Variants in TSHZ2 observed in about 807,000 individuals in gnomAD.
The protein encoded by TSHZ2 is teashirt zinc finger homeobox 2.
TSHZ2 carries 21 observed loss-of-function variants against 74.4 expected under a neutral mutation model. That is an observed-to-expected ratio of 0.28 (90% CI 0.20 to 0.41). TSHZ2 has a LOEUF of 0.41. Among genes scored for constraint, TSHZ2 ranks in the 10% least tolerant of loss-of-function variants. TSHZ2 has a pLI of 1.00. For missense variants in TSHZ2, 1,244 were observed against 1,293.5 expected (o/e 0.96, Z 0.59); for synonymous variants, 540 against 515.3 (o/e 1.05, Z -0.65).
chr20:53,381,986 A>C (rs1388423542), intron 2 of TSHZ2, among the ~76,000 whole-genome samples: 1 of 152,208 alleles, frequency 6.6e-6, no homozygotes, highest in African/African-American at 2.4e-5. Flanking sequence ...TGGCTGTTGC[A>C]AAAAGCTATT....
chr20:53,123,922 C>A (rs1355700867), intron 1 of TSHZ2, among the ~76,000 whole-genome samples: 1 of 152,154 alleles, frequency 6.6e-6, no homozygotes, highest in African/African-American at 2.4e-5. Flanking sequence ...AACAATTCTC[C>A]GTGTTAATGC....
intron 1 of TSHZ2, among the ~76,000 whole-genome samples, chr20:53,253,010 A>C (rs1990364013): frequency 6.6e-6 from 1 of 152,186 alleles, no homozygotes; most frequent in African/African-American, 2.4e-5. Flanking sequence ...ACTTCTGAGC[A>C]CTCAAAAATG....
intron 1 of TSHZ2, among the ~76,000 whole-genome samples, chr20:53,211,674 G>T (rs370092910): frequency 2.0e-5 from 3 of 152,118 alleles, no homozygotes; most frequent in Non-Finnish European, 4.4e-5. Flanking sequence ...CAATTATGCC[G>T]CTGCATTCCG....
intron 2 of TSHZ2, among the ~76,000 whole-genome samples, chr20:53,405,119 C>T (rs373556494): frequency 1.4e-5 from 2 of 141,926 alleles, no homozygotes; most frequent in African/African-American, 2.5e-5. Context: ...TGTGGTTGCG[C>T]GTACCTATAG....
intron 2 of TSHZ2, among the ~76,000 whole-genome samples, chr20:53,268,055 C>G (rs6063922): frequency 0.71 from 107,191 of 152,004 alleles, 38,189 homozygotes; most frequent in African/African-American, 0.82. Context: ...GTGTGCAAGA[C>G]AGTTGGCTTG....
At chr20:53,461,072 G>C (rs1341310995) in intron 2 of TSHZ2, among the ~76,000 whole-genome samples, 1 of 152,192 alleles carries the variant, frequency 6.6e-6, no homozygotes, top group Non-Finnish European at 1.5e-5. Context: ...GCTCCACCCA[G>C]TTCGAGCTTC....
chr20:53,075,655 G>A (rs1470165820), intron 1 of TSHZ2, among the ~76,000 whole-genome samples: 1 of 152,218 alleles, frequency 6.6e-6, no homozygotes, highest in African/African-American at 2.4e-5. Context: ...ACAAGGCAGA[G>A]CGTGATAAGA....
chr20:52,997,871 A>C (rs1600637501), intron 1 of TSHZ2, among the ~76,000 whole-genome samples: 1 of 146,568 alleles, frequency 6.8e-6, no homozygotes, highest in Non-Finnish European at 1.5e-5. Flanking sequence ...CCCTGCTTTT[A>C]GGATAAACAG....
At chr20:53,106,287 T>C (rs1250163881) in intron 1 of TSHZ2, among the ~76,000 whole-genome samples, 2 of 152,062 alleles carry the variant, frequency 1.3e-5, no homozygotes, top group East Asian at 3.8e-4. Flanking sequence ...GCTTTTACTT[T>C]TTTTAGATTT....
chr20:53,174,902 A>G (rs1988290648), intron 1 of TSHZ2, among the ~76,000 whole-genome samples: 1 of 152,196 alleles, frequency 6.6e-6, no homozygotes, highest in African/African-American at 2.4e-5. Flanking sequence ...CAGGAGAAAA[A>G]TAAAAGAAAA....
intron 1 of TSHZ2, among the ~76,000 whole-genome samples, chr20:53,252,244 A>T (rs1156504621): frequency 6.6e-6 from 1 of 151,986 alleles, no homozygotes; most frequent in African/African-American, 2.4e-5. Context: ...CACAGGATGG[A>T]CCTCCAGCGC....
intron 2 of TSHZ2, among the ~76,000 whole-genome samples, chr20:53,342,275 G>C (rs1394214256): frequency 7.5e-6 from 1 of 132,574 alleles, no homozygotes; most frequent in Non-Finnish European, 1.6e-5. Context: ...TTGGGCTCTT[G>C]TTGGCAGTAA....
intron 1 of TSHZ2, among the ~76,000 whole-genome samples, chr20:53,228,567 C>A (rs1040773445): frequency 6.6e-6 from 1 of 152,172 alleles, no homozygotes; most frequent in African/African-American, 2.4e-5. Flanking sequence ...CTTAGCAGCA[C>A]CCCTGGCCTC....
chr20:53,094,083 T>C (rs1310112713), intron 1 of TSHZ2, among the ~76,000 whole-genome samples: 1 of 152,076 alleles, frequency 6.6e-6, no homozygotes, highest in Admixed American at 6.6e-5. Flanking sequence ...TAAAGTTTTA[T>C]TGGAATACAG....
intron 2 of TSHZ2, among the ~76,000 whole-genome samples, chr20:53,420,680 G>A (rs976497950): frequency 1.1e-4 from 17 of 152,098 alleles, no homozygotes; most frequent in African/African-American, 3.1e-4. Flanking sequence ...GGAGAATGGC[G>A]TGAACCCAGG....
At chr20:53,410,341 C>T (rs1420637334) in intron 2 of TSHZ2, among the ~76,000 whole-genome samples, 2 of 152,130 alleles carry the variant, frequency 1.3e-5, no homozygotes, top group Non-Finnish European at 2.9e-5. Context: ...TTGCTTTCTC[C>T]AGGCACATCC....
At chr20:53,458,153 C>A (rs1466630268) in intron 2 of TSHZ2, among the ~76,000 whole-genome samples, 1 of 150,540 alleles carries the variant, frequency 6.6e-6, no homozygotes, top group Non-Finnish European at 1.5e-5. Flanking sequence ...CCTCCTTGTA[C>A]CTCTGGTAGA....
chr20:53,141,159 A>C (rs6097254), intron 1 of TSHZ2, among the ~76,000 whole-genome samples: 2,972 of 152,270 alleles, frequency 0.02, 90 homozygotes, highest in African/African-American at 0.068. Flanking sequence ...CGTGGGTACC[A>C]CTGCTGTCCC....
At chr20:53,118,810 G>A (rs554175740) in intron 1 of TSHZ2, among the ~76,000 whole-genome samples, 18 of 152,244 alleles carry the variant, frequency 1.2e-4, no homozygotes, top group South Asian at 6.2e-4. Context: ...GCTTTAAAGC[G>A]ATACCTGAGA....
Sources: allele counts gnomAD v4.1 joint callset (sites outside exome capture counted in the v4.1 genomes callset), GRCh38; gene constraint gnomAD v4.1.1; transcripts MANE v1.5; gene names NCBI Gene and HGNC (gene_info 2026-07-23, HGNC 2026-07-21).